The following SCAPER variants were observed in gnomAD, a reference collection of about 807,000 sequenced individuals.
SCAPER encodes S phase cyclin A-associated protein in the endoplasmic reticulum.
Under a neutral mutation model 182.2 loss-of-function variants are expected in SCAPER, and 98 were observed. The observed-to-expected ratio is 0.54, with a 90% confidence interval of 0.46 to 0.64. The LOEUF is 0.64. Ranked by LOEUF, SCAPER falls within the 30% of genes least tolerant of loss-of-function variation. SCAPER has a pLI of 0.00. For missense variants in SCAPER, 1,432 were observed against 1,690.0 expected (o/e 0.85, Z 2.68); for synonymous variants, 605 against 564.6 (o/e 1.07, Z -1.01).
intron 23 of SCAPER, among the ~76,000 whole-genome samples, chr15:76,566,730 C>T (rs2145235709): frequency 6.6e-6 from 1 of 152,006 alleles, no homozygotes; most frequent in Middle Eastern, 3.4e-3. Context: ...TTGAACATTT[C>T]TTCAATAAAA....
intron 23 of SCAPER, among the ~76,000 whole-genome samples, chr15:76,533,221 A>G (rs2043827169): frequency 6.6e-6 from 1 of 152,196 alleles, no homozygotes. Context: ...GGCAGTAAAG[A>G]AGGAAGTGCA....
chr15:76,369,485 G>A (rs2042007879), intron 29 of SCAPER, among the ~76,000 whole-genome samples: 2 of 152,166 alleles, frequency 1.3e-5, no homozygotes, highest in African/African-American at 2.4e-5. Flanking sequence ...ATTCTCGCTT[G>A]ACAATTCCTT....
intron 26 of SCAPER, among the ~76,000 whole-genome samples, chr15:76,412,848 T>C (rs1219040741): frequency 2.0e-5 from 3 of 152,194 alleles, no homozygotes. Context: ...GTTTTACCAA[T>C]ATTGAGTCTT....
At chr15:76,413,144 T>C (rs1346565301) in intron 26 of SCAPER, among the ~76,000 whole-genome samples, 2 of 152,198 alleles carry the variant, frequency 1.3e-5, no homozygotes, top group South Asian at 2.1e-4. Context: ...GTAGATTACA[T>C]AGTTTTCTAT....
At chr15:76,575,749 C>T (rs1179343234) in intron 22 of SCAPER, among the ~76,000 whole-genome samples, 1 of 152,204 alleles carries the variant, frequency 6.6e-6, no homozygotes, top group East Asian at 1.9e-4. Context: ...TTGACTATTT[C>T]TTCAAAGCAC....
chr15:76,667,643 A>AC (rs1481768105), intron 20 of SCAPER, among the ~76,000 whole-genome samples: 2 of 102,152 alleles, frequency 2.0e-5, no homozygotes, highest in African/African-American at 9.6e-5. Context: ...AAAAAAAAAA[A>AC]AAAAAAAAAA....
chr15:76,462,204 C>T (rs761143713), intron 25 of SCAPER, among the ~76,000 whole-genome samples: 3 of 152,204 alleles, frequency 2.0e-5, no homozygotes, highest in Admixed American at 1.3e-4. Context: ...AGCCATACAA[C>T]CAGGAAACTT....
intron 21 of SCAPER, among the ~76,000 whole-genome samples, chr15:76,635,827 T>TC (rs2053547736): frequency 2.6e-5 from 4 of 152,354 alleles, no homozygotes; most frequent in Middle Eastern, 6.8e-3. Flanking sequence ...TGGTTTATGT[T>TC]CCCCTTCATT....
chr15:76,770,278 A>G (rs1260555558), intron 10 of SCAPER, among the ~76,000 whole-genome samples: 1 of 152,034 alleles, frequency 6.6e-6, no homozygotes, highest in Non-Finnish European at 1.5e-5. Flanking sequence ...GGGTGCAGCA[A>G]ACCAACATGG....
chr15:76,467,441 CTT>C lies in SCAPER; in HGVS notation c.3078+3769_3078+3770del, dbSNP rs11361300. On this transcript the variant is annotated intron_variant, in intron 25 of 31. Coordinates refer to ENST00000563290, the MANE Select transcript of SCAPER (RefSeq NM_020843.4). ...GAGGAGAAGCTGAGAGTTGGGGTGT[CTT>C]TTTTTTTTTTTTTTAAAGACAGGAT... Among the ~76,000 whole-genome samples, 955 of 143,444 alleles carry C rather than the reference CTT, an allele frequency of 6.7e-3. 1 individual carries two copies. The highest frequency in any genetic ancestry group is 6.8e-3 in the Admixed American group (98 of 14,486). The allele number at this position is 143,444 out of a possible 152,430, so 94.1% of individuals were successfully genotyped here.
At chr15:76,362,458 G>A (rs2041500808) in intron 29 of SCAPER, among the ~76,000 whole-genome samples, 1 of 151,072 alleles carries the variant, frequency 6.6e-6, no homozygotes, top group Admixed American at 6.6e-5. Flanking sequence ...TGTCGCCCAG[G>A]CTGGAGTGCA....
In SCAPER at chr15:76,813,520, T is replaced by C. The variant is rs146066820; in HGVS notation, c.394-8887A>G. 3.5e-3 allele frequency among the ~76,000 whole-genome samples: 527 copies of C among 151,730 alleles called. 5 individuals are homozygous for C. Among genetic ancestry groups the C allele is most frequent in the African/African-American group, 0.012 (489 of 41,318 alleles). ...AATCAGAAATAATGAAGTAAAATTA[T>C]CCATGGTTGCATTTGAATTGATTCT... On this transcript the variant is annotated intron_variant, in intron 5 of 31. Coordinates refer to ENST00000563290, the MANE Select transcript of SCAPER (RefSeq NM_020843.4).
chr15:76,481,883 T>C (rs756033580), intron 24 of SCAPER, among the ~76,000 whole-genome samples: 1 of 152,214 alleles, frequency 6.6e-6, no homozygotes, highest in Non-Finnish European at 1.5e-5. Context: ...TCCCCTCCAT[T>C]CCTCTATTTT....
intron 16 of SCAPER, among the ~76,000 whole-genome samples, chr15:76,732,380 A>T (rs567145538): frequency 2.0e-5 from 3 of 152,184 alleles, no homozygotes; most frequent in Non-Finnish European, 4.4e-5. Context: ...CCAATATTAT[A>T]ATAATCCTTG....
In SCAPER at chr15:76,765,415, A is replaced by G. The variant is rs377013117; in HGVS notation, c.1535T>C (p.Ile512Thr). 1 of 1,613,942 alleles carries G rather than the reference A, an allele frequency of 6.2e-7. No individual in the cohort carries two copies. The highest frequency in any genetic ancestry group is 8.5e-7 in the Non-Finnish European group (1 of 1,179,852). ...SWRQNTSWGD[I>T]VEEEPARPPG... ...AGGTCTAGCAGGTTCTTCTTCTACA[A>G]TGTCCCCCCAGGATGTATTTTGGCG... Residue 512 changes from isoleucine to threonine, a missense_variant, in exon 13 of 32, where the codon ATT becomes ACT. Around this residue, in one of 5 missense-constraint regions of SCAPER, gnomAD observed 128 missense variants for 149.9 expected, o/e 0.85. Coordinates refer to ENST00000563290, the MANE Select transcript of SCAPER (RefSeq NM_020843.4).
intron 26 of SCAPER, among the ~76,000 whole-genome samples, chr15:76,419,273 G>A (rs1239471970): frequency 6.7e-6 from 1 of 150,094 alleles, no homozygotes; most frequent in African/African-American, 2.5e-5. Context: ...AGGCTGTGGT[G>A]AGCCAAGATC....
At chr15:76,543,351 G>A (rs1250834760) in intron 23 of SCAPER, among the ~76,000 whole-genome samples, 1 of 152,136 alleles carries the variant, frequency 6.6e-6, no homozygotes, top group Non-Finnish European at 1.5e-5. Flanking sequence ...GACATGTAAT[G>A]CAGTTTTTTC....
chr15:76,525,853 A>C (rs79979958), intron 23 of SCAPER, among the ~76,000 whole-genome samples: 14,287 of 152,052 alleles, frequency 0.094, 839 homozygotes, highest in African/African-American at 0.16. Context: ...AGAATGCTTT[A>C]TTTTCTTTTG....
intron 2 of SCAPER, among the ~76,000 whole-genome samples, chr15:76,878,538 GA>G (rs1252635873): frequency 6.6e-6 from 1 of 152,086 alleles, no homozygotes; most frequent in Admixed American, 6.6e-5. Flanking sequence ...ATTAAAAAAT[GA>G]AAAAGCAAGC....
Sources: gnomAD v4.1 joint callset for allele counts (sites outside exome capture counted in the v4.1 genomes callset) on GRCh38, gnomAD v4.1.1 for gene constraint, gnomAD v4.1.1 regional missense constraint, MANE v1.5 for transcripts, NCBI Gene and HGNC (gene_info 2026-07-23, HGNC 2026-07-21) for gene names.